SLC25A53: variants seen among roughly 807,000 people sequenced by gnomAD.
SLC25A53 encodes solute carrier family 25 member 53, also known as mitochondrial carrier triple repeat protein 6.
A neutral mutation model predicts 15.0 loss-of-function variants in SLC25A53; 5 were observed. The ratio of observed to expected loss-of-function variants is 0.33; its 90% CI spans 0.17 to 0.70. The LOEUF (loss-of-function observed/expected upper bound fraction) is 0.70. SLC25A53 is among the 30% of genes least tolerant of loss of function. The probability of loss-of-function intolerance (pLI) is 0.67; values close to 1 mark genes in which losing one functional copy is unlikely to be tolerated. For missense variants in SLC25A53, 216 were observed against 241.6 expected (o/e 0.89, Z 0.70); for synonymous variants, 95 against 100.0 (o/e 0.95, Z 0.30).
At chrX:104,136,348 A>G (rs1399531642) in intron 1 of SLC25A53, among the ~76,000 whole-genome samples, 1 of 111,453 alleles carries the variant, frequency 9.0e-6, no homozygotes, top group Non-Finnish European at 1.9e-5. Context: ...TAGAAGCCCA[A>G]CAACTGAAGA....
chrX:104,137,539 A>C (rs781879460), intron 1 of SLC25A53, among the ~76,000 whole-genome samples: 1 of 111,217 alleles, frequency 9.0e-6, no homozygotes, highest in South Asian at 3.8e-4. Context: ...CTAAATGTAA[A>C]ATAAAGCCAA....
chrX:104,143,105 C>T (rs782402427), intron 1 of SLC25A53, among the ~76,000 whole-genome samples: 8 of 110,781 alleles, frequency 7.2e-5, no homozygotes, highest in South Asian at 3.8e-4. Context: ...AGGTCACGAA[C>T]GTCAAAGACC....
At chrX:104,137,622 G>A (rs1425324008) in intron 1 of SLC25A53, among the ~76,000 whole-genome samples, 6 of 111,507 alleles carry the variant, frequency 5.4e-5, no homozygotes, top group Non-Finnish European at 1.1e-4. Context: ...TTATCTTTCA[G>A]ACTTTCAGTG....
rs2075280540 is a variant in SLC25A53 at position 104,101,510 on chromosome X, C to T, written c.*2824G>A. ...ATTATTAGCATACAAAAAGATATCA[C>T]TTTGGAAATTCTAAGGATTTTAGGA... On this transcript the variant is annotated 3_prime_UTR_variant, in exon 2 of 2. Transcript: ENST00000594199. The T allele has an allele frequency of 8.9e-6, 1 of 112,361 alleles. No individual in the cohort carries two copies. The highest frequency in any genetic ancestry group is 1.9e-5 in the Non-Finnish European group (1 of 53,301). The allele number at this position is 112,361 out of a possible 1,213,427, so 9.3% of individuals were successfully genotyped here.
At chrX:104,156,082 G>GA (rs11421196) in intron 1 of SLC25A53, among the ~76,000 whole-genome samples, 4,209 of 96,007 alleles carry the variant, frequency 0.044, 235 homozygotes, top group African/African-American at 0.15. Flanking sequence ...AAGAAAGAAA[G>GA]AAAAAAAAAA....
intron 1 of SLC25A53, among the ~76,000 whole-genome samples, chrX:104,137,309 G>T (rs2075438926): frequency 9.0e-6 from 1 of 111,259 alleles, no homozygotes; most frequent in Non-Finnish European, 1.9e-5. Flanking sequence ...AAAAGTTCAG[G>T]TAGTAGAATC....
chrX:104,118,249 A>G lies in SLC25A53; in HGVS notation c.-31-12961T>C, dbSNP rs182574761. On this transcript the variant is annotated intron_variant, in intron 1 of 1. Coordinates refer to ENST00000594199, the MANE Select transcript of SLC25A53 (RefSeq NM_001012755.5). ...CATTCTCATTAGTCGCCAAGAGATG[A>G]AAATTGCTCTTTTGTCTTGTCAGGA... Among the ~76,000 whole-genome samples, 124 of 111,831 alleles carry G rather than the reference A, an allele frequency of 1.1e-3. 1 individual carries two copies. The highest frequency in any genetic ancestry group is 1.4e-3 in the Non-Finnish European group (75 of 53,092).
chrX:104,130,125 C>A (rs1311971591), intron 1 of SLC25A53, among the ~76,000 whole-genome samples: 1 of 111,195 alleles, frequency 9.0e-6, no homozygotes, highest in African/African-American at 3.3e-5. Context: ...TTGGTACAAA[C>A]TGCCATCCAC....
intron 1 of SLC25A53, among the ~76,000 whole-genome samples, chrX:104,136,109 C>A (rs2075435892): frequency 9.0e-6 from 1 of 111,243 alleles, no homozygotes; most frequent in Admixed American, 9.6e-5. Context: ...ACTCACATAT[C>A]AAAATATATA....
chrX:104,142,685 C>T lies in SLC25A53; in HGVS notation c.-32+14193G>A, dbSNP rs563107364. On this transcript the variant is annotated intron_variant, in intron 1 of 1. Coordinates refer to ENST00000594199, the MANE Select transcript of SLC25A53 (RefSeq NM_001012755.5). Reference sequence around the variant, plus strand: ...CTCCCAACAAGACCGAGGCAGAGGGCGGGTGATTTCTCGAGGTCAGGAGAT... The same window carrying T: ...CTCCCAACAAGACCGAGGCAGAGGGTGGGTGATTTCTCGAGGTCAGGAGAT... 2.7e-3 allele frequency among the ~76,000 whole-genome samples: 299 copies of T among 108,984 alleles called. 2 individuals are homozygous for T. Among genetic ancestry groups the T allele is most frequent in the African/African-American group, 9.7e-3 (290 of 29,822 alleles). 94.6% of individuals were successfully genotyped at this position (108,984 alleles called of 115,157 possible).
intron 1 of SLC25A53, among the ~76,000 whole-genome samples, chrX:104,119,478 G>C (rs1556362243): frequency 9.0e-6 from 1 of 111,452 alleles, no homozygotes; most frequent in Admixed American, 9.5e-5. Context: ...CAAATATCAT[G>C]GAAAGGGGGC....
chrX:104,110,915 T>C (rs781846433), intron 1 of SLC25A53, among the ~76,000 whole-genome samples: 2 of 112,816 alleles, frequency 1.8e-5, no homozygotes, highest in South Asian at 7.2e-4. Context: ...TCATCAAGCA[T>C]GGCTTGAAGA....
Position 104,124,880 on chromosome X carries a change from T to C in SLC25A53, c.-31-19592A>G, listed in dbSNP as rs1490342506. On this transcript the variant is annotated intron_variant, in intron 1 of 1. Coordinates refer to ENST00000594199, the MANE Select transcript of SLC25A53 (RefSeq NM_001012755.5). ...TTTTTTTTGAGACAAAGTCTCACTG[T>C]CGCCCAGGCTGGAGTGCAATGGCGT... Among the ~76,000 whole-genome samples, 10 of 91,327 alleles carry C rather than the reference T, an allele frequency of 1.1e-4. No individual in the cohort carries two copies. In the Admixed American group the frequency reaches 1.2e-3, roughly 11 times the overall value. 79.3% of individuals were successfully genotyped at this position (91,327 alleles called of 115,157 possible). A position where few individuals can be genotyped will look rare whatever the true frequency, so the allele number is the denominator to read the frequency against.
intron 1 of SLC25A53, among the ~76,000 whole-genome samples, chrX:104,144,271 G>A (rs1426970905): frequency 6.3e-5 from 7 of 111,813 alleles, no homozygotes; most frequent in African/African-American, 2.3e-4. Flanking sequence ...AACGTAAATG[G>A]GCTACATGCT....
chrX:104,143,453 C>T (rs1377418097), intron 1 of SLC25A53, among the ~76,000 whole-genome samples: 1 of 111,676 alleles, frequency 9.0e-6, no homozygotes, highest in East Asian at 2.8e-4. Flanking sequence ...CTTCGTGAAG[C>T]ATACACAAGT....
chrX:104,114,872 T>C, intron 1 of SLC25A53: 1 of 1,207,320 alleles, frequency 8.3e-7, no homozygotes, highest in Non-Finnish European at 1.1e-6. Context: ...GCCCAGCCAA[T>C]AGCAATCAGC....
intron 1 of SLC25A53, among the ~76,000 whole-genome samples, chrX:104,117,140 A>C (rs1394727180): frequency 4.3e-5 from 4 of 92,606 alleles, no homozygotes; most frequent in Non-Finnish European, 6.2e-5. Context: ...CCACAATCTC[A>C]TTCAGATCCC....
chrX:104,120,499 T>G (rs1556362497), intron 1 of SLC25A53, among the ~76,000 whole-genome samples: 1 of 112,291 alleles, frequency 8.9e-6, no homozygotes, highest in African/African-American at 3.2e-5. Context: ...TTCTAAGGGC[T>G]TGTTGATGGT....
chrX:104,113,151 A>C (rs1556359809), intron 1 of SLC25A53: 1 of 110,954 alleles, frequency 9.0e-6, no homozygotes, highest in Non-Finnish European at 1.9e-5. Flanking sequence ...AAGGAATATG[A>C]GGGTGGGAGG....
Sources: allele counts gnomAD v4.1 joint callset (sites outside exome capture counted in the v4.1 genomes callset), GRCh38; gene constraint gnomAD v4.1.1; transcripts MANE v1.5; gene names NCBI Gene and HGNC (gene_info 2026-07-23, HGNC 2026-07-21).